The following ZNF276 variants were observed in gnomAD, a reference collection of about 807,000 sequenced individuals.
ZNF276 encodes centromere protein Z.
In ZNF276, 59 loss-of-function variants were observed where a neutral mutation model predicts 63.9. That is an observed-to-expected ratio of 0.92 (90% CI 0.75 to 1.15). ZNF276 has a LOEUF of 1.15. Among genes scored for constraint, ZNF276 ranks in the 50% most tolerant of loss-of-function variants. The pLI is 0.00. For synonymous variants in ZNF276, 496 were observed against 348.4 expected (o/e 1.42, Z -4.72); for missense variants, 1,084 against 843.8 (o/e 1.28, Z -3.53).
At chr16:89,731,034 ACACGAGGG>A (rs2061630648) in intron 6 of ZNF276, among the ~76,000 whole-genome samples, 1 of 152,200 alleles carries the variant, frequency 6.6e-6, no homozygotes. Flanking sequence ...CCCGTCCCAA[ACACGAGGG>A]CACAGAGACT....
At chr16:89,725,469 C>G (rs921982727) in intron 4 of ZNF276, among the ~76,000 whole-genome samples, 1 of 149,476 alleles carries the variant, frequency 6.7e-6, no homozygotes. Context: ...GTGTGAACCA[C>G]CGCGCCCAGC....
At chr16:89,734,855 A>C (rs1364216843) in intron 9 of ZNF276, among the ~76,000 whole-genome samples, 2 of 152,170 alleles carry the variant, frequency 1.3e-5, no homozygotes, top group Non-Finnish European at 2.9e-5. Context: ...CAACAAGGAT[A>C]TGTTTTCAAA....
rs1056986405 is a variant in ZNF276, at chr16:89,729,156, A to G, written c.1086-79A>G. ...TGTGGGACATGGGGGTCCATTTGGT[A>G]TCTTTAGGCAGGAGGTCGTGTTGGG... On this transcript the variant is annotated intron_variant, in intron 5 of 10. Transcript: ENST00000443381. 3.0e-5 allele frequency: 34 copies of G among 1,151,546 alleles called. 1 individual carries two copies. The highest frequency in any genetic ancestry group is 1.9e-4 in the South Asian group (15 of 79,520). 71.3% of individuals were successfully genotyped at this position (1,151,546 alleles called of 1,614,324 possible).
intron 4 of ZNF276, among the ~76,000 whole-genome samples, chr16:89,723,972 C>T (rs1267704948): frequency 1.3e-5 from 2 of 152,196 alleles, no homozygotes; most frequent in African/African-American, 2.4e-5. Context: ...CATCAGCCGT[C>T]GAGTCTTTTT....
At chr16:89,725,075 A>G (rs1253015484) in intron 4 of ZNF276, among the ~76,000 whole-genome samples, 1 of 150,340 alleles carries the variant, frequency 6.7e-6, no homozygotes, top group Admixed American at 6.6e-5. Flanking sequence ...CACCACGCCC[A>G]CCTAATTTTT....
In ZNF276 at chr16:89,727,416, C is replaced by G. The variant is rs969705929; in HGVS notation, c.1085+59C>G. The G allele has an allele frequency of 2.6e-6, 4 of 1,566,578 alleles. No individual in the cohort carries two copies. In the African/African-American group the frequency reaches 5.5e-5, roughly 21 times the overall value. On this transcript the variant is annotated intron_variant, in intron 5 of 10. Coordinates refer to ENST00000443381, the MANE Select transcript of ZNF276 (RefSeq NM_001113525.2). ...TTCTCCTTCAAAAACCATCAGTGAC[C>G]TTTCTGAGGGGTGAGAGAAGAGTGG... is the stretch of plus-strand genomic sequence containing the variant.
chr16:89,734,885 G>C (rs1030593348), intron 9 of ZNF276, among the ~76,000 whole-genome samples: 1 of 152,164 alleles, frequency 6.6e-6, no homozygotes, highest in Admixed American at 6.6e-5. Context: ...TTGGCCGGGC[G>C]TGGTGGCTCA....
In ZNF276 at chr16:89,733,545, T is replaced by C. The variant is rs1337488115; in HGVS notation, c.1344T>C (p.Ala448=). Residue 448 remains alanine, a synonymous_variant, in exon 8 of 11, where the codon GCT becomes GCC. Transcript: ENST00000443381. Reference sequence around the variant, plus strand: ...GCTGCACGGCCGTGTACCGAGGCGCTGACGGCATGAAGGTGAGCACTGGCT... The same window carrying C: ...GCTGCACGGCCGTGTACCGAGGCGCCGACGGCATGAAGGTGAGCACTGGCT... The part of the protein sequence containing the change: ...YQGCTAVYRG[A]DGMKKHIKEH... 6.2e-7 allele frequency: 1 copy of C among 1,613,930 alleles called. No individual in the cohort carries two copies. The highest frequency in any genetic ancestry group is 8.5e-7 in the Non-Finnish European group (1 of 1,180,048).
intron 5 of ZNF276, among the ~76,000 whole-genome samples, chr16:89,728,693 C>T (rs1300797394): frequency 2.0e-5 from 3 of 152,122 alleles, no homozygotes; most frequent in South Asian, 2.1e-4. Flanking sequence ...TTAGCCACCG[C>T]ACCCGGCCAA....
chr16:89,733,507 T>C lies in ZNF276; in HGVS notation c.1306T>C (p.Cys436Arg). The change falls in exon 8 of 11, where the codon TGT becomes CGT. Residue 436 changes from cysteine to arginine, a missense_variant. Cys to Arg is a radical substitution (Grantham distance 180). Transcript: ENST00000443381. The stretch of plus-strand genomic sequence containing the variant: ...GGAGGAGCTTCCCACCATCTACAAG[T>C]GTCCTTACCAGGGCTGCACGGCCGT... ...EREELPTIYKCPYQGCTAVYR... is the reference protein window; with the variant it reads ...EREELPTIYKRPYQGCTAVYR... The C allele has an allele frequency of 6.2e-7, 1 of 1,614,156 alleles. No individual in the cohort carries two copies. The highest frequency in any genetic ancestry group is 8.5e-7 in the Non-Finnish European group (1 of 1,180,026).
upstream of ZNF276, chr16:89,720,707 G>T: frequency 7.4e-7 from 1 of 1,342,444 alleles, no homozygotes; most frequent in Non-Finnish European, 9.6e-7. Context: ...TCCCCGGGCG[G>T]GGGTCCCTCC....
chr16:89,720,918 G>T, upstream of ZNF276: 1 of 1,259,774 alleles, frequency 7.9e-7, no homozygotes, highest in Non-Finnish European at 1.0e-6. Context: ...GCGACCGGAG[G>T]CCCGGAACGC....
At chr16:89,737,653 C>A in intron 9 of ZNF276, 153 bp from the exon 10 acceptor site, 2 of 1,423,138 alleles carry the variant, frequency 1.4e-6, no homozygotes, top group East Asian at 2.4e-5. Context: ...TCTTAATAAA[C>A]GAGGCCCTCA....
chr16:89,726,636 A>T (rs920342038), intron 4 of ZNF276, among the ~76,000 whole-genome samples: 1 of 150,854 alleles, frequency 6.6e-6, no homozygotes, highest in Non-Finnish European at 1.5e-5. Flanking sequence ...CGGACTGAGA[A>T]TAGTAATTTT....
At chr16:89,726,352 A>G (rs776862008) in intron 4 of ZNF276, among the ~76,000 whole-genome samples, 2 of 151,902 alleles carry the variant, frequency 1.3e-5, no homozygotes. Flanking sequence ...ATGCACCACT[A>G]TGCCTGGCTA....
At chr16:89,731,067 GCCT>G (rs2061632025) in intron 6 of ZNF276, among the ~76,000 whole-genome samples, 1 of 152,256 alleles carries the variant, frequency 6.6e-6, no homozygotes, top group South Asian at 2.1e-4. Context: ...GTGCTCTGAA[GCCT>G]CCTGTGCTGA....
chr16:89,740,140 G>C lies in ZNF276; in HGVS notation c.*1894G>C, dbSNP rs1347352784. 6.6e-7 allele frequency: 1 copy of C among 1,526,014 alleles called. No homozygotes were observed. Among genetic ancestry groups the C allele is most frequent in the Admixed American group, 1.7e-5 (1 of 59,904 alleles). 94.5% of individuals were successfully genotyped at this position (1,526,014 alleles called of 1,614,324 possible). A position where few individuals can be genotyped will look rare whatever the true frequency, so the allele number is the denominator to read the frequency against. ...GACCAACCCTGAGAATGGCCGACCT[G>C]GTGCTCCCATGGGTAGGAGGGTACA... On this transcript the variant is annotated 3_prime_UTR_variant, in exon 11 of 11. Transcript: ENST00000443381.
Position 89,739,880 on chromosome 16 carries a change from G to A in ZNF276, c.*1634G>A. ...CTTAATCTGTCCCAACTAAAATGGA[G>A]CTTATAAACTTACTTAGCAAGGAAC... is the stretch of plus-strand genomic sequence containing the variant. On this transcript the variant is annotated 3_prime_UTR_variant, in exon 11 of 11. Coordinates refer to ENST00000443381, the MANE Select transcript of ZNF276 (RefSeq NM_001113525.2). 1.3e-6 allele frequency: 2 copies of A among 1,558,374 alleles called. No individual in the cohort carries two copies. The highest frequency in any genetic ancestry group is 1.7e-6 in the Non-Finnish European group (2 of 1,153,978).
chr16:89,724,358 T>C (rs2061403982), intron 4 of ZNF276, among the ~76,000 whole-genome samples: 1 of 152,198 alleles, frequency 6.6e-6, no homozygotes. Context: ...CTTTGAGTCT[T>C]GAGGGGAGCT....
Sources: allele counts gnomAD v4.1 joint callset (sites outside exome capture counted in the v4.1 genomes callset), GRCh38; gene constraint gnomAD v4.1.1; transcripts MANE v1.5; gene names NCBI Gene and HGNC (gene_info 2026-07-23, HGNC 2026-07-21).